Variants in MCTP1 observed in about 807,000 individuals in gnomAD.
The protein encoded by MCTP1 is multiple C2 and transmembrane domain-containing protein 1.
In MCTP1, 69 loss-of-function variants were observed where a neutral mutation model predicts 120.6. That is an observed-to-expected ratio of 0.57 (90% CI 0.47 to 0.70). The LOEUF (loss-of-function observed/expected upper bound fraction) is 0.70. MCTP1 is among the 30% of genes least tolerant of loss of function. MCTP1 has a pLI of 0.00. For missense variants in MCTP1, 1,203 were observed against 1,248.8 expected (o/e 0.96, Z 0.55); for synonymous variants, 529 against 493.1 (o/e 1.07, Z -0.96).
intron 17 of MCTP1, among the ~76,000 whole-genome samples, chr5:94,844,410 C>A (rs959369405): frequency 2.7e-5 from 4 of 150,904 alleles, no homozygotes; most frequent in Non-Finnish European, 5.9e-5. Flanking sequence ...CATTTTCATT[C>A]TTTAAAAGAA....
chr5:94,822,212 T>A (rs1428938919), intron 17 of MCTP1, among the ~76,000 whole-genome samples: 1 of 152,040 alleles, frequency 6.6e-6, no homozygotes, highest in Non-Finnish European at 1.5e-5. Flanking sequence ...CCTCTCCTTG[T>A]CCCCCACCCT....
chr5:94,773,370 G>A (rs1774531829), intron 19 of MCTP1, among the ~76,000 whole-genome samples: 1 of 152,166 alleles, frequency 6.6e-6, no homozygotes, highest in African/African-American at 2.4e-5. Context: ...TTGGGTTATA[G>A]TATTGCAATA....
chr5:94,837,370 C>A (rs774991186), intron 17 of MCTP1, among the ~76,000 whole-genome samples: 1 of 152,074 alleles, frequency 6.6e-6, no homozygotes, highest in African/African-American at 2.4e-5. Context: ...AATAGTGTGA[C>A]ACCCTGTCTC....
chr5:94,967,307 T>C (rs1390547343), intron 2 of MCTP1, among the ~76,000 whole-genome samples: 1 of 152,228 alleles, frequency 6.6e-6, no homozygotes, highest in African/African-American at 2.4e-5. Context: ...TAGATCACTA[T>C]AGCTAACATT....
At chr5:94,850,951 C>G (rs1793565302) in intron 17 of MCTP1, among the ~76,000 whole-genome samples, 1 of 152,034 alleles carries the variant, frequency 6.6e-6, no homozygotes, top group African/African-American at 2.4e-5. Context: ...TTTATTTGTT[C>G]AGAACTATCT....
At chr5:94,839,535 T>C (rs1450850616) in intron 17 of MCTP1, among the ~76,000 whole-genome samples, 1 of 151,846 alleles carries the variant, frequency 6.6e-6, no homozygotes, top group African/African-American at 2.4e-5. Flanking sequence ...AAAATAAACA[T>C]GAAAATGGCT....
intron 1 of MCTP1, among the ~76,000 whole-genome samples, chr5:95,233,580 C>T (rs992931788): frequency 2.6e-5 from 4 of 152,262 alleles, no homozygotes; most frequent in South Asian, 2.1e-4. Flanking sequence ...CCGCCCGCCT[C>T]GGCCTCCCAA....
chr5:95,205,071 C>A (rs1049202949), intron 1 of MCTP1, among the ~76,000 whole-genome samples: 4 of 152,016 alleles, frequency 2.6e-5, no homozygotes, highest in African/African-American at 9.7e-5. Context: ...ACTCACACTT[C>A]ATAATTTATT....
intron 17 of MCTP1, among the ~76,000 whole-genome samples, chr5:94,818,162 C>T (rs1027364219): frequency 2.6e-5 from 4 of 152,154 alleles, no homozygotes; most frequent in Non-Finnish European, 5.9e-5. Context: ...TGAATGCTAA[C>T]GCAGAGGAAA....
intron 1 of MCTP1, among the ~76,000 whole-genome samples, chr5:95,118,371 C>A (rs575766867): frequency 6.7e-6 from 1 of 149,942 alleles, no homozygotes; most frequent in African/African-American, 2.4e-5. Flanking sequence ...AACCTCAAAT[C>A]AAAAAAAACA....
At chr5:94,719,764 C>T (rs371524417) in intron 19 of MCTP1, among the ~76,000 whole-genome samples, 9 of 152,184 alleles carry the variant, frequency 5.9e-5, no homozygotes, top group African/African-American at 1.7e-4. Flanking sequence ...GTGCAGCAAA[C>T]CACCATGGCA....
chr5:95,268,824 G>C (rs1369314982), intron 1 of MCTP1, among the ~76,000 whole-genome samples: 1 of 152,198 alleles, frequency 6.6e-6, no homozygotes, highest in African/African-American at 2.4e-5. Flanking sequence ...GACTCAGACA[G>C]CAGAGCCCCT....
intron 1 of MCTP1, among the ~76,000 whole-genome samples, chr5:95,167,051 T>C (rs1746494695): frequency 6.6e-6 from 1 of 152,096 alleles, no homozygotes; most frequent in Admixed American, 6.5e-5. Context: ...TATCTCCTAA[T>C]GCTATCCTTC....
intron 18 of MCTP1, 96 bp from the exon 19 acceptor site, chr5:94,779,259 T>G (rs1008223340): frequency 3.1e-6 from 3 of 982,606 alleles, no homozygotes; most frequent in Admixed American, 3.4e-5. Flanking sequence ...TTTATTAACA[T>G]TTGAAACAGG....
chr5:94,813,446 C>G (rs570041666), intron 17 of MCTP1, among the ~76,000 whole-genome samples: 1 of 152,216 alleles, frequency 6.6e-6, no homozygotes, highest in African/African-American at 2.4e-5. Flanking sequence ...CCACATTAAC[C>G]AATAATTCTA....
At chr5:95,100,283 A>C (rs1756630929) in intron 1 of MCTP1, among the ~76,000 whole-genome samples, 2 of 152,182 alleles carry the variant, frequency 1.3e-5, no homozygotes, top group African/African-American at 4.8e-5. Context: ...TAATAAAAAA[A>C]AATTAAAAAA....
At chr5:95,132,754 G>A (rs2152425818) in intron 1 of MCTP1, among the ~76,000 whole-genome samples, 1 of 152,294 alleles carries the variant, frequency 6.6e-6, no homozygotes, top group Non-Finnish European at 1.5e-5. Context: ...CTCACTATTG[G>A]GAAGAAGTCT....
Position 95,136,731 on chromosome 5 carries a change from A to C in MCTP1, c.721-119247T>G, listed in dbSNP as rs543288365. Among the ~76,000 whole-genome samples the C allele has an allele frequency of 7.2e-4, 109 of 152,360 alleles. 3 individuals are homozygous for C. The South Asian group carries it at 0.022, about 31-fold the overall frequency. ...ATTTTACGGATGAAGAAACTGAGACAAGGAGATTTGTGTACCTGGTCCAGA... is the reference window on the plus strand; with the variant it reads ...ATTTTACGGATGAAGAAACTGAGACCAGGAGATTTGTGTACCTGGTCCAGA... On this transcript the variant is annotated intron_variant, in intron 1 of 22. Transcript: ENST00000515393.
chr5:95,197,859 T>G (rs1750567564), intron 1 of MCTP1, among the ~76,000 whole-genome samples: 1 of 152,170 alleles, frequency 6.6e-6, no homozygotes, highest in South Asian at 2.1e-4. Context: ...TACAAAACAG[T>G]GTAGTATTTA....
Sources: allele counts gnomAD v4.1 joint callset (sites outside exome capture counted in the v4.1 genomes callset), GRCh38; gene constraint gnomAD v4.1.1; transcripts MANE v1.5; gene names NCBI Gene and HGNC (gene_info 2026-07-23, HGNC 2026-07-21).